Variants in CHRM5 observed in about 807,000 individuals in gnomAD.
CHRM5 encodes the protein muscarinic acetylcholine receptor M5.
Under a neutral mutation model 39.0 loss-of-function variants are expected in CHRM5, and 18 were observed. That is an observed-to-expected ratio of 0.46 (90% CI 0.32 to 0.68). The LOEUF (loss-of-function observed/expected upper bound fraction) is 0.68. CHRM5 is among the 30% of genes least tolerant of loss of function. The pLI is 0.04. For synonymous variants in CHRM5, 241 were observed against 246.3 expected (o/e 0.98, Z 0.20); for missense variants, 515 against 651.1 (o/e 0.79, Z 2.28).
chr15:34,026,114 G>A (rs563035566), intron 1 of CHRM5, among the ~76,000 whole-genome samples: 13 of 152,228 alleles, frequency 8.5e-5, no homozygotes, highest in African/African-American at 7.2e-5. Flanking sequence ...CACAGATTAA[G>A]TTTGATATTC....
At chr15:33,997,643 T>C (rs1236257057) in intron 1 of CHRM5, among the ~76,000 whole-genome samples, 1 of 152,088 alleles carries the variant, frequency 6.6e-6, no homozygotes, top group Non-Finnish European at 1.5e-5. Context: ...CCTGAAAAAA[T>C]CTGTAGTCCT....
chr15:34,044,027 T>C (rs577135093), intron 1 of CHRM5, among the ~76,000 whole-genome samples: 2 of 152,152 alleles, frequency 1.3e-5, no homozygotes, highest in African/African-American at 2.4e-5. Flanking sequence ...TGCACATCAG[T>C]TGGTACCTTC....
chr15:34,051,304 G>GC (rs34958240), intron 2 of CHRM5, among the ~76,000 whole-genome samples: 2 of 151,970 alleles, frequency 1.3e-5, no homozygotes, highest in African/African-American at 4.8e-5. Flanking sequence ...CTGAAACAAA[G>GC]GACAAAGTAC....
At chr15:33,974,039 G>A (rs1034783328) in intron 1 of CHRM5, among the ~76,000 whole-genome samples, 1 of 152,126 alleles carries the variant, frequency 6.6e-6, no homozygotes, top group Non-Finnish European at 1.5e-5. Flanking sequence ...ATCTGTTAGG[G>A]ATAGTATATG....
At chr15:33,993,671 ATC>A (rs1896819326) in intron 1 of CHRM5, among the ~76,000 whole-genome samples, 1 of 152,122 alleles carries the variant, frequency 6.6e-6, no homozygotes, top group Non-Finnish European at 1.5e-5. Flanking sequence ...ATAAATAACA[ATC>A]ATCCAGGCCA....
chr15:34,032,576 AAGGGGCTATGATCTT>A (rs1421253653), intron 1 of CHRM5, among the ~76,000 whole-genome samples: 2 of 152,198 alleles, frequency 1.3e-5, no homozygotes, highest in Non-Finnish European at 2.9e-5. Flanking sequence ...CTAAGAAACA[AAGGGGCTATGATCTT>A]AGCTGTCCTC....
chr15:34,034,879 G>T (rs1009449162), intron 1 of CHRM5, among the ~76,000 whole-genome samples: 1 of 152,102 alleles, frequency 6.6e-6, no homozygotes, highest in African/African-American at 2.4e-5. Flanking sequence ...TTTGCTTCAG[G>T]CTTTCTGGAA....
At chr15:34,026,033 C>T (rs534488062) in intron 1 of CHRM5, among the ~76,000 whole-genome samples, 12 of 152,220 alleles carry the variant, frequency 7.9e-5, no homozygotes, top group African/African-American at 2.9e-4. Context: ...TCTGATAATA[C>T]ACAACAGTAA....
intron 1 of CHRM5, among the ~76,000 whole-genome samples, chr15:34,023,060 G>A (rs1382575822): frequency 6.6e-6 from 1 of 152,130 alleles, no homozygotes; most frequent in Admixed American, 6.5e-5. Flanking sequence ...GGTGGTGTGC[G>A]CCTGTAGTCC....
intron 1 of CHRM5, among the ~76,000 whole-genome samples, chr15:34,040,836 A>G (rs1028053196): frequency 2.0e-5 from 3 of 151,694 alleles, no homozygotes; most frequent in Non-Finnish European, 4.4e-5. Flanking sequence ...GAATCATTTG[A>G]GCCCAGGAGG....
intron 1 of CHRM5, among the ~76,000 whole-genome samples, chr15:33,985,502 A>AGG (rs1465205233): frequency 2.0e-5 from 3 of 151,708 alleles, no homozygotes; most frequent in African/African-American, 7.3e-5. Context: ...CTCATCCCTC[A>AGG]GGGTTGCTTG....
intron 1 of CHRM5, among the ~76,000 whole-genome samples, chr15:34,006,039 C>T (rs540371150): frequency 1.2e-4 from 19 of 152,142 alleles, no homozygotes; most frequent in Non-Finnish European, 2.4e-4. Context: ...TGGCCAGGCA[C>T]GGTGGCTCAC....
chr15:33,994,016 G>A (rs925950779), intron 1 of CHRM5, among the ~76,000 whole-genome samples: 1 of 152,200 alleles, frequency 6.6e-6, no homozygotes, highest in Non-Finnish European at 1.5e-5. Flanking sequence ...ACATACAGCT[G>A]TGAACATTTG....
intron 2 of CHRM5, among the ~76,000 whole-genome samples, chr15:34,055,432 G>T (rs1028317061): frequency 1.3e-5 from 2 of 152,014 alleles, no homozygotes; most frequent in Non-Finnish European, 2.9e-5. Context: ...CTGGATCCGG[G>T]AGGAAGAGGT....
chr15:34,030,512 A>AT (rs1240972428), intron 1 of CHRM5, among the ~76,000 whole-genome samples: 1 of 151,702 alleles, frequency 6.6e-6, no homozygotes, highest in Admixed American at 6.6e-5. Context: ...CGCCCGGCTA[A>AT]TTTTTTTGTA....
At chr15:33,987,258 A>T (rs186277971) in intron 1 of CHRM5, among the ~76,000 whole-genome samples, 353 of 152,332 alleles carry the variant, frequency 2.3e-3, no homozygotes, top group Non-Finnish European at 4.5e-3. Flanking sequence ...ATTCTTTTGC[A>T]TATGTCACCT....
chr15:34,018,120 A>G (rs1275018835), intron 1 of CHRM5: 1 of 152,246 alleles, frequency 6.6e-6, no homozygotes, highest in Non-Finnish European at 1.5e-5. Context: ...TTCTTAAAAA[A>G]GCTAACTGTA....
Position 33,997,995 on chromosome 15 carries a change from A to G in CHRM5, c.-408+28845A>G, listed in dbSNP as rs144383416. On this transcript the variant is annotated intron_variant, in intron 1 of 2. Coordinates refer to ENST00000383263, the MANE Select transcript of CHRM5 (RefSeq NM_012125.4). ...AACTATACTTTCCCACTTCCTTGAC[A>G]ACTATTTCTTACCTTCTGCTCTCTC... is the stretch of plus-strand genomic sequence containing the variant. Among the ~76,000 whole-genome samples the G allele has an allele frequency of 1.6e-4, 24 of 152,208 alleles. No individual in the cohort carries two copies. In the East Asian group the frequency reaches 4.4e-3, roughly 28 times the overall value.
intron 1 of CHRM5, among the ~76,000 whole-genome samples, chr15:33,983,210 A>G (rs1426085048): frequency 1.1e-3 from 23 of 20,872 alleles, no homozygotes; most frequent in African/African-American, 3.3e-3. Context: ...GTATATATAT[A>G]TATACATATA....
Sources: allele counts gnomAD v4.1 joint callset (sites outside exome capture counted in the v4.1 genomes callset), GRCh38; gene constraint gnomAD v4.1.1; transcripts MANE v1.5; gene names NCBI Gene and HGNC (gene_info 2026-07-23, HGNC 2026-07-21).